The following AGBL1 variants were observed in gnomAD, a reference collection of about 807,000 sequenced individuals.
AGBL1 encodes the protein AGBL carboxypeptidase 1, also known as cytosolic carboxypeptidase 4.
AGBL1 carries 130 observed loss-of-function variants against 118.9 expected under a neutral mutation model. The ratio of observed to expected loss-of-function variants is 1.09; its 90% CI spans 0.95 to 1.26. AGBL1 has a LOEUF of 1.26. AGBL1 is among the 50% of genes most tolerant of loss of function. The pLI is 0.00. For missense variants in AGBL1, 1,584 were observed against 1,298.1 expected, an observed-to-expected ratio of 1.22 and a Z score of -3.38; for synonymous variants, 555 against 478.9, an observed-to-expected ratio of 1.16 and a Z score of -2.08.
intron 1 of AGBL1, among the ~76,000 whole-genome samples, chr15:86,128,819 C>A (rs968853065): frequency 6.6e-6 from 1 of 152,120 alleles, no homozygotes; most frequent in African/African-American, 2.4e-5. Context: ...ATTAATCTTA[C>A]CATACCTGAA....
chr15:86,307,406 CT>C (rs1472365810), intron 17 of AGBL1, among the ~76,000 whole-genome samples: 2 of 152,016 alleles, frequency 1.3e-5, no homozygotes, highest in African/African-American at 4.8e-5. Context: ...CATTTTCTCC[CT>C]GTCACCTCTT....
chr15:86,330,159 G>A (rs112477785), intron 17 of AGBL1, among the ~76,000 whole-genome samples: 4,023 of 152,256 alleles, frequency 0.026, 72 homozygotes, highest in Middle Eastern at 0.071. Context: ...AGGGAGTTCA[G>A]ACCACTGTGT....
intron 22 of AGBL1, among the ~76,000 whole-genome samples, chr15:86,888,475 C>T (rs539999621): frequency 1.2e-4 from 18 of 151,906 alleles, no homozygotes; most frequent in East Asian, 7.7e-4. Flanking sequence ...CGATTCTTTG[C>T]GAGGTTTGTT....
chr15:86,918,003 T>C (rs11634981), downstream of AGBL1, among the ~76,000 whole-genome samples: 35,731 of 152,068 alleles, frequency 0.23, 4,422 homozygotes, highest in East Asian at 0.32. Context: ...ATATTTTGCA[T>C]AGATGAAAGG....
chr15:86,697,659 C>T lies in AGBL1; in HGVS notation c.3158+23223C>T, dbSNP rs958139076. 2.0e-5 allele frequency among the ~76,000 whole-genome samples: 3 copies of T among 151,690 alleles called. No individual in the cohort carries two copies. In the East Asian group the frequency reaches 5.9e-4, roughly 30 times the overall value. On this transcript the variant is annotated intron_variant, in intron 22 of 22. Coordinates refer to ENST00000614907, the MANE Select transcript of AGBL1 (RefSeq NM_001386094.1). ...TGATTTTTGGGGGAGTGTTAAAGAACCTTGTTTTGTCATATTACCAGAATT... is the reference window on the plus strand; with the variant it reads ...TGATTTTTGGGGGAGTGTTAAAGAATCTTGTTTTGTCATATTACCAGAATT...
chr15:86,584,675 T>C (rs2084220615), intron 21 of AGBL1, among the ~76,000 whole-genome samples: 1 of 152,174 alleles, frequency 6.6e-6, no homozygotes. Flanking sequence ...TCTTTCTTGG[T>C]TCCATATGAA....
chr15:86,497,873 G>A lies in AGBL1; in HGVS notation c.2556-24937G>A, dbSNP rs181615652. Among the ~76,000 whole-genome samples, 122 of 151,862 alleles carry A rather than the reference G, an allele frequency of 8.0e-4. 1 individual carries two copies. Among genetic ancestry groups the A allele is most frequent in the Non-Finnish European group, 1.5e-4 (10 of 67,878 alleles). ...TCTCTGAACTGCTAAATCACATACC[G>A]CTACACCATCTGCTTTCAGTCTCTC... On this transcript the variant is annotated intron_variant, in intron 18 of 22. Transcript: ENST00000614907.
chr15:87,030,343 A>G (rs2081771877), downstream of AGBL1, among the ~76,000 whole-genome samples: 1 of 151,948 alleles, frequency 6.6e-6, no homozygotes, highest in Non-Finnish European at 1.5e-5. Context: ...TAAATACCCA[A>G]TCGTTTTAAG....
At chr15:86,620,732 C>T (rs1013155894) in intron 21 of AGBL1, among the ~76,000 whole-genome samples, 3 of 152,078 alleles carry the variant, frequency 2.0e-5, no homozygotes, top group Non-Finnish European at 2.9e-5. Flanking sequence ...ATTAGAGCCT[C>T]GTAAAAAGGG....
chr15:86,990,453 G>A (rs903100906), intron 24 of AGBL1, among the ~76,000 whole-genome samples: 3 of 152,032 alleles, frequency 2.0e-5, no homozygotes, highest in African/African-American at 4.8e-5. Context: ...GGCAGAGTTT[G>A]CAGTGAGCCA....
chr15:86,237,135 A>C (rs2078565099), intron 6 of AGBL1, among the ~76,000 whole-genome samples: 1 of 152,220 alleles, frequency 6.6e-6, no homozygotes, highest in Non-Finnish European at 1.5e-5. Context: ...ACTTTAAAAG[A>C]AACAAAAACT....
At chr15:87,018,648 A>AC (rs552384010) in intron 24 of AGBL1, among the ~76,000 whole-genome samples, 7 of 151,868 alleles carry the variant, frequency 4.6e-5, no homozygotes, top group African/African-American at 7.2e-5. Flanking sequence ...TACCAAAAGT[A>AC]TTTTTTTACA....
chr15:86,098,317 A>G (rs369455959), intron 1 of AGBL1, among the ~76,000 whole-genome samples: 2 of 152,090 alleles, frequency 1.3e-5, no homozygotes, highest in East Asian at 1.9e-4. Context: ...TTAGTTTACT[A>G]TAGTCCCATT....
chr15:86,709,142 A>G (rs8023856), intron 22 of AGBL1, among the ~76,000 whole-genome samples: 5,326 of 152,240 alleles, frequency 0.035, 276 homozygotes, highest in African/African-American at 0.11. Context: ...CCTGGAAAAC[A>G]CTTTTCTCAT....
chr15:87,012,192 T>TACACACACACACACAC (rs57985975), intron 24 of AGBL1, among the ~76,000 whole-genome samples: 8 of 142,786 alleles, frequency 5.6e-5, no homozygotes, highest in African/African-American at 1.8e-4. Flanking sequence ...TACAAATTTA[T>TACACACACACACACAC]ACACACACAC....
chr15:86,142,533 T>C (rs2141648656), intron 2 of AGBL1, among the ~76,000 whole-genome samples: 2 of 152,318 alleles, frequency 1.3e-5, no homozygotes, highest in Middle Eastern at 6.8e-3. Context: ...TTCGCTCAAG[T>C]TCTTACTGAG....
At chr15:86,887,051 A>G (rs2079980656) in intron 22 of AGBL1, among the ~76,000 whole-genome samples, 1 of 152,238 alleles carries the variant, frequency 6.6e-6, no homozygotes, top group Non-Finnish European at 1.5e-5. Context: ...GGTTTTGCTC[A>G]TAATATGTGT....
rs143594417 is a variant in AGBL1 at position 86,592,661 on chromosome 15, C to T, written c.2994+38124C>T. Among the ~76,000 whole-genome samples, 857 of 152,298 alleles carry T rather than the reference C, an allele frequency of 5.6e-3. 11 individuals are homozygous for T. Among genetic ancestry groups the T allele is most frequent in the African/African-American group, 0.019 (802 of 41,566 alleles). On this transcript the variant is annotated intron_variant, in intron 21 of 22. Coordinates refer to ENST00000614907, the MANE Select transcript of AGBL1 (RefSeq NM_001386094.1). ...GTGTTCTTAGAGGAAGGTCGCATAA[C>T]AGTTAAACTTTGCCATTTTGTCTCT...
At chr15:86,974,638 T>C (rs1291907263) in intron 23 of AGBL1, among the ~76,000 whole-genome samples, 1 of 146,092 alleles carries the variant, frequency 6.8e-6, no homozygotes, top group East Asian at 2.0e-4. Flanking sequence ...TATTTAACTT[T>C]TCTGCAAAAA....
Sources: allele counts gnomAD v4.1 joint callset (sites outside exome capture counted in the v4.1 genomes callset), GRCh38; gene constraint gnomAD v4.1.1; transcripts MANE v1.5; gene names NCBI Gene and HGNC (gene_info 2026-07-23, HGNC 2026-07-21).